Variants in MARCHF1 observed in about 807,000 individuals in gnomAD.
The protein encoded by MARCHF1 is membrane associated ring-CH-type finger 1.
MARCHF1 carries 40 observed loss-of-function variants against 54.2 expected under a neutral mutation model. The ratio of observed to expected loss-of-function variants is 0.74; its 90% confidence interval spans 0.57 to 0.96. MARCHF1 has a LOEUF of 0.96. Among genes scored for constraint, MARCHF1 ranks in the 40% least tolerant of loss-of-function variants. The pLI, the probability that MARCHF1 is intolerant of heterozygous loss-of-function variation, is 0.00. For missense variants in MARCHF1, 586 were observed against 656.5 expected, an observed-to-expected ratio of 0.89 and a Z score of 1.17; for synonymous variants, 236 against 236.3, an observed-to-expected ratio of 1.00 and a Z score of 0.01.
In MARCHF1 at chr4:163,797,508, G is replaced by A. The variant is rs370572233; in HGVS notation, c.111+56513C>T. ...TCTGTTATTTCCTTCTAGAACTCAGGATAGATTGGTATATATTAGACATGT... is the reference window on the plus strand; with the variant it reads ...TCTGTTATTTCCTTCTAGAACTCAGAATAGATTGGTATATATTAGACATGT... On this transcript the variant is annotated intron_variant, in intron 4 of 9. Coordinates refer to ENST00000514618, the MANE Select transcript of MARCHF1 (RefSeq NM_001394959.1). Among the ~76,000 whole-genome samples the A allele has an allele frequency of 6.6e-5, 10 of 151,952 alleles. No individual in the cohort carries two copies. In the East Asian group the frequency reaches 1.9e-3, roughly 29 times the overall value.
At chr4:163,570,067 T>C (rs1210017190) in intron 8 of MARCHF1, among the ~76,000 whole-genome samples, 1 of 152,146 alleles carries the variant, frequency 6.6e-6, no homozygotes, top group African/African-American at 2.4e-5. Context: ...AAGGTCTTTA[T>C]AGATAATCTA....
At chr4:164,076,245 T>A (rs1754977924) in intron 2 of MARCHF1, among the ~76,000 whole-genome samples, 1 of 151,362 alleles carries the variant, frequency 6.6e-6, no homozygotes, top group African/African-American at 2.4e-5. Flanking sequence ...GAACAAAAAA[T>A]AAAAAATTAA....
intron 1 of MARCHF1, among the ~76,000 whole-genome samples, chr4:164,272,141 G>A (rs576927998): frequency 2.0e-5 from 3 of 151,962 alleles, no homozygotes; most frequent in East Asian, 1.9e-4. Flanking sequence ...TAACAGAGAC[G>A]GGAAGTAACA....
At chr4:164,036,875 G>C (rs916678056) in intron 2 of MARCHF1, among the ~76,000 whole-genome samples, 3 of 152,112 alleles carry the variant, frequency 2.0e-5, no homozygotes, top group African/African-American at 7.2e-5. Flanking sequence ...ATTATCTAAT[G>C]GTGAATATAT....
intron 7 of MARCHF1, among the ~76,000 whole-genome samples, chr4:163,593,710 A>C (rs1740666528): frequency 6.6e-6 from 1 of 152,228 alleles, no homozygotes; most frequent in African/African-American, 2.4e-5. Context: ...TGGATAATTG[A>C]CAAAGCAGGC....
chr4:164,342,136 T>A (rs901527065), intron 1 of MARCHF1, among the ~76,000 whole-genome samples: 7 of 151,782 alleles, frequency 4.6e-5, no homozygotes, highest in Non-Finnish European at 7.4e-5. Context: ...GATCAGAAAA[T>A]GGACAAAAGA....
intron 1 of MARCHF1, among the ~76,000 whole-genome samples, chr4:164,340,857 C>T (rs1037475058): frequency 2.7e-5 from 4 of 149,954 alleles, no homozygotes; most frequent in African/African-American, 9.9e-5. Flanking sequence ...TGTGCTGGGC[C>T]CAAATTCATT....
At chr4:164,268,926 T>C (rs192758907) in intron 1 of MARCHF1, among the ~76,000 whole-genome samples, 3,012 of 152,182 alleles carry the variant, frequency 0.02, 107 homozygotes, top group African/African-American at 0.063. Context: ...TGGATGAGAG[T>C]GTAGCAAAGG....
intron 1 of MARCHF1, among the ~76,000 whole-genome samples, chr4:164,119,468 C>A (rs1756017084): frequency 1.4e-5 from 2 of 147,230 alleles, no homozygotes; most frequent in African/African-American, 2.5e-5. Flanking sequence ...AATATTAAAT[C>A]AAAAAGCTAG....
At position 164,312,587 on chromosome 4, in the gene MARCHF1, G is replaced by A. The variant is rs184693418; in HGVS notation, c.-323+71283C>T. 9.7e-4 allele frequency among the ~76,000 whole-genome samples: 148 copies of A among 152,088 alleles called. 2 individuals carry two copies. The highest frequency in any genetic ancestry group is 3.4e-3 in the African/African-American group (142 of 41,498). On this transcript the variant is annotated intron_variant, in intron 1 of 9. Coordinates refer to ENST00000514618, the MANE Select transcript of MARCHF1 (RefSeq NM_001394959.1). ...TCTGCCCGCCTCAGCCTCCGAAAGT[G>A]CTGGGATTACAGGGTGAGCCACCGC... is the stretch of plus-strand genomic sequence containing the variant.
At chr4:163,603,748 C>T (rs1741053128) in intron 7 of MARCHF1, among the ~76,000 whole-genome samples, 1 of 151,980 alleles carries the variant, frequency 6.6e-6, no homozygotes, top group Non-Finnish European at 1.5e-5. Context: ...TCATTTTTCT[C>T]TTTTACTTGT....
At chr4:164,241,216 C>T (rs1732735960) in intron 1 of MARCHF1, among the ~76,000 whole-genome samples, 1 of 152,112 alleles carries the variant, frequency 6.6e-6, no homozygotes, top group South Asian at 2.1e-4. Context: ...TAATTTCATC[C>T]CCAACCAATC....
At chr4:163,657,639 C>T (rs780503564) in intron 5 of MARCHF1, among the ~76,000 whole-genome samples, 7 of 152,060 alleles carry the variant, frequency 4.6e-5, no homozygotes, top group South Asian at 2.1e-4. Context: ...CTGGAGGCAT[C>T]GTGCTTCTGG....
At chr4:163,806,889 C>A (rs1168842422) in intron 4 of MARCHF1, among the ~76,000 whole-genome samples, 1 of 151,640 alleles carries the variant, frequency 6.6e-6, no homozygotes, top group Non-Finnish European at 1.5e-5. Flanking sequence ...TCCAGATGGA[C>A]TAGACAGATA....
At chr4:163,721,901 C>T (rs1283543717) in intron 4 of MARCHF1, among the ~76,000 whole-genome samples, 1 of 151,960 alleles carries the variant, frequency 6.6e-6, no homozygotes, top group Non-Finnish European at 1.5e-5. Context: ...TTTATTGCGC[C>T]TATTTGATGC....
At chr4:163,969,301 C>T (rs1489494005) in intron 3 of MARCHF1, among the ~76,000 whole-genome samples, 1 of 152,140 alleles carries the variant, frequency 6.6e-6, no homozygotes, top group Non-Finnish European at 1.5e-5. Context: ...AAAAGCAGCA[C>T]CGTGAAATTC....
intron 4 of MARCHF1, among the ~76,000 whole-genome samples, chr4:163,727,430 C>T (rs1027357286): frequency 6.6e-6 from 1 of 151,982 alleles, no homozygotes; most frequent in Non-Finnish European, 1.5e-5. Flanking sequence ...GCCTCAGCCT[C>T]CCCAGCAGCT....
intron 5 of MARCHF1, among the ~76,000 whole-genome samples, chr4:163,687,148 A>G (rs1744293310): frequency 6.6e-6 from 1 of 152,188 alleles, no homozygotes; most frequent in African/African-American, 2.4e-5. Flanking sequence ...ACAAGAAAGT[A>G]CTTAAATATG....
At chr4:163,764,044 G>A (rs1746905806) in intron 4 of MARCHF1, among the ~76,000 whole-genome samples, 2 of 151,936 alleles carry the variant, frequency 1.3e-5, no homozygotes, top group African/African-American at 2.4e-5. Context: ...AATAAAAAAC[G>A]TAAACCTTCT....
Sources: gnomAD v4.1 joint callset for allele counts (sites outside exome capture counted in the v4.1 genomes callset) on GRCh38, gnomAD v4.1.1 for gene constraint, MANE v1.5 for transcripts, NCBI Gene and HGNC (gene_info 2026-07-23, HGNC 2026-07-21) for gene names.